The following RNF17 variants were observed in gnomAD, a reference collection of about 807,000 sequenced individuals.
RNF17 encodes ring finger protein 17.
RNF17 carries 31 observed loss-of-function variants against 200.5 expected under a neutral mutation model. That is an observed-to-expected ratio of 0.15 (90% CI 0.12 to 0.21). The LOEUF (loss-of-function observed/expected upper bound fraction) is 0.21, where lower values mean the gene tolerates loss of function less well. RNF17 is among the 10% of genes least tolerant of loss of function. The pLI is 1.00. For missense variants in RNF17, 1,628 were observed against 1,905.1 expected (o/e 0.85, Z 2.71); for synonymous variants, 606 against 637.8 (o/e 0.95, Z 0.75).
At chr13:24,881,508 T>G (rs1953812719), downstream of RNF17, among the ~76,000 whole-genome samples, 1 of 152,044 alleles carries the variant, frequency 6.6e-6, no homozygotes, top group South Asian at 2.1e-4. Flanking sequence ...TCCTGAGATA[T>G]CTCTAGAATA....
chr13:24,851,597 ACAT>A, intron 24 of RNF17, 26 bp downstream of exon 24: 1 of 1,488,114 alleles, frequency 6.7e-7, no homozygotes, highest in Non-Finnish European at 9.3e-7. Context: ...AAAAATTTTG[ACAT>A]CAGTTTGTGA....
intron 30 of RNF17, among the ~76,000 whole-genome samples, chr13:24,866,484 A>G (rs187958784): frequency 6.6e-6 from 1 of 152,276 alleles, no homozygotes; most frequent in African/African-American, 2.4e-5. Context: ...TTCTGTCCCT[A>G]TGGATTTGCT....
intron 11 of RNF17, among the ~76,000 whole-genome samples, chr13:24,799,001 T>C (rs1388977219): frequency 6.6e-6 from 1 of 152,216 alleles, no homozygotes; most frequent in African/African-American, 2.4e-5. Context: ...TGTATGTCAG[T>C]GTACATGTGT....
rs1266617694 is a variant in RNF17, at chr13:24,764,275, C to T, written c.72C>T (p.Pro24=). 6 of 1,611,532 alleles carry T rather than the reference C, an allele frequency of 3.7e-6. No individual in the cohort carries two copies. Among genetic ancestry groups the T allele is most frequent in the Non-Finnish European group, 5.1e-6 (6 of 1,178,218 alleles). ...AGCGAATGGGGAGGAAGAGTCAGCC[C>T]TGGGGTGCCGCTGAAATCCAGTGCA... is the stretch of plus-strand genomic sequence containing the variant. ...SYQRMGRKSQ[P]WGAAEIQCTR... The change falls in exon 1 of 36, where the codon CCC becomes CCT. Residue 24 remains proline (P), a synonymous_variant. Coordinates refer to ENST00000255324, the MANE Select transcript of RNF17 (RefSeq NM_031277.3).
intron 15 of RNF17, among the ~76,000 whole-genome samples, chr13:24,809,545 G>A (rs1886330336): frequency 6.6e-6 from 1 of 151,870 alleles, no homozygotes; most frequent in South Asian, 2.1e-4. Context: ...TTCTTTGTTA[G>A]TCTTGCTAGC....
intron 2 of RNF17, among the ~76,000 whole-genome samples, chr13:24,772,309 T>C (rs1880856203): frequency 6.6e-6 from 1 of 152,128 alleles, no homozygotes; most frequent in Non-Finnish European, 1.5e-5. Flanking sequence ...GATGTTAAAG[T>C]TTTTGCAGTT....
chr13:24,881,330 G>A (rs9511499), downstream of RNF17, among the ~76,000 whole-genome samples: 116,709 of 151,646 alleles, frequency 0.77, 45,490 homozygotes, highest in Non-Finnish European at 0.83. Context: ...TAGTAGAGAC[G>A]GGGTTTCATC....
downstream of RNF17, chr13:24,884,615 G>T: frequency 1.3e-6 from 1 of 768,138 alleles, no homozygotes; most frequent in Non-Finnish European, 2.2e-6. Flanking sequence ...TAGCAAACTC[G>T]TGATTTTCTA....
chr13:24,759,327 A>T (rs1049912660), upstream of RNF17, among the ~76,000 whole-genome samples: 13 of 152,214 alleles, frequency 8.5e-5, no homozygotes, highest in African/African-American at 3.1e-4. Flanking sequence ...AACACAATTT[A>T]AAAATTCCTT....
chr13:24,882,252 CTATA>C (rs1160393801), downstream of RNF17: 7 of 126,858 alleles, frequency 5.5e-5, 1 homozygote, highest in Admixed American at 4.7e-4. Flanking sequence ...ATAGATACAT[CTATA>C]TATAGATACA....
chr13:24,855,004 C>T (rs889028777), intron 25 of RNF17, among the ~76,000 whole-genome samples: 1 of 152,150 alleles, frequency 6.6e-6, no homozygotes, highest in African/African-American at 2.4e-5. Flanking sequence ...AGCTAATTAT[C>T]ATTTCCTGTG....
intron 15 of RNF17, among the ~76,000 whole-genome samples, chr13:24,820,246 C>T (rs1324468265): frequency 6.6e-6 from 1 of 151,168 alleles, no homozygotes; most frequent in African/African-American, 2.4e-5. Flanking sequence ...CCCAGCCTCC[C>T]TAGTAGCTGG....
chr13:24,854,189 C>T lies in RNF17; in HGVS notation c.3610+45C>T, dbSNP rs375998041. 1.1e-4 allele frequency: 152 copies of T among 1,429,290 alleles called. 1 individual carries two copies. The African/African-American group carries it at 1.5e-3, about 14-fold the overall frequency. 88.5% of individuals were successfully genotyped at this position (1,429,290 alleles called of 1,614,324 possible). A position where few individuals can be genotyped will look rare whatever the true frequency, so the allele number is the denominator to read the frequency against. ...GTAGGCTCTAGTTCTCTAGTACGAA[C>T]GACAGGGATTGAAATACTTTGGGCA... On this transcript the variant is annotated intron_variant, in intron 25 of 35. Coordinates refer to ENST00000255324, the MANE Select transcript of RNF17 (RefSeq NM_031277.3).
chr13:24,866,062 A>G (rs530220510), intron 29 of RNF17, 82 bp from the exon 30 acceptor site: 2 of 753,862 alleles, frequency 2.7e-6, no homozygotes, highest in Admixed American at 2.4e-5. Context: ...AAATGCACCC[A>G]GTTTTTGTGG....
the RNF17 span, among the ~76,000 whole-genome samples, chr13:24,756,444 G>A: frequency 2.0e-5 from 3 of 151,762 alleles, no homozygotes; most frequent in Middle Eastern, 3.5e-3. Flanking sequence ...ATTCTTCCTC[G>A]TTTTGTTTTC....
rs1450589965 is a variant in RNF17, at chr13:24,842,137, A to G, written c.2579A>G (p.Glu860Gly). ...TTSINDQLVK[E>G]GLASYEIGYI... ...AGTATTAATGACCAGCTAGTTAAAG[A>G]GGGCCTAGCATCTTATGAAATAGGG... Residue 860 changes from glutamate to glycine, a missense_variant, in exon 19 of 36, where the codon GAG becomes GGG. Physicochemically the swap from Glu to Gly is moderately conservative, Grantham distance 98 (BLOSUM62 -2). Transcript: ENST00000255324. 13 of 1,609,042 alleles carry G rather than the reference A, an allele frequency of 8.1e-6. No individual in the cohort carries two copies. In the East Asian group the frequency reaches 2.2e-4, roughly 28 times the overall value.
At chr13:24,795,526 C>T (rs1372441867) in intron 10 of RNF17, among the ~76,000 whole-genome samples, 18 of 151,420 alleles carry the variant, frequency 1.2e-4, no homozygotes, top group Non-Finnish European at 1.9e-4. Flanking sequence ...AGTGAAGACA[C>T]TTGGCTTAAG....
intron 6 of RNF17, among the ~76,000 whole-genome samples, chr13:24,787,262 T>C (rs983051125): frequency 2.6e-5 from 4 of 152,226 alleles, no homozygotes; most frequent in African/African-American, 9.6e-5. Flanking sequence ...ATATTTTTCT[T>C]GAGCTGTTTA....
At chr13:24,841,436 T>G (rs760909332) in intron 18 of RNF17, among the ~76,000 whole-genome samples, 1 of 152,234 alleles carries the variant, frequency 6.6e-6, no homozygotes, top group Non-Finnish European at 1.5e-5. Context: ...AACAAAACAC[T>G]TCTTCAATGA....
Sources: gnomAD v4.1 joint callset for allele counts (sites outside exome capture counted in the v4.1 genomes callset) on GRCh38, gnomAD v4.1.1 for gene constraint, MANE v1.5 for transcripts, NCBI Gene and HGNC (gene_info 2026-07-23, HGNC 2026-07-21) for gene names.